ZFPM2: variants seen among roughly 807,000 people sequenced by gnomAD.
ZFPM2 encodes the protein zinc finger protein, FOG family member 2, also known as zinc finger protein ZFPM2.
ZFPM2 carries 20 observed loss-of-function variants against 98.6 expected under a neutral mutation model. The ratio of observed to expected loss-of-function variants is 0.20; its 90% confidence interval spans 0.14 to 0.29. The LOEUF is 0.29. Among genes scored for constraint, ZFPM2 ranks in the 10% least tolerant of loss-of-function variants. The pLI is 1.00. For synonymous variants in ZFPM2, 518 were observed against 502.7 expected (o/e 1.03, Z -0.41); for missense variants, 1,310 against 1,388.6 (o/e 0.94, Z 0.90).
chr8:105,559,600 T>C (rs1216513360), intron 3 of ZFPM2, among the ~76,000 whole-genome samples: 1 of 152,164 alleles, frequency 6.6e-6, no homozygotes, highest in African/African-American at 2.4e-5. Context: ...AATTTTACCA[T>C]GGACACAATT....
chr8:105,722,304 TG>T (rs1284931840), intron 5 of ZFPM2, among the ~76,000 whole-genome samples: 3 of 151,876 alleles, frequency 2.0e-5, no homozygotes, highest in Non-Finnish European at 4.4e-5. Context: ...TGTTGGACCA[TG>T]GGAGATTCTT....
intron 1 of ZFPM2, among the ~76,000 whole-genome samples, chr8:105,359,427 G>A (rs1054123304): frequency 6.7e-6 from 1 of 148,438 alleles, no homozygotes; most frequent in Admixed American, 6.8e-5. Flanking sequence ...CCTGGCTGGA[G>A]TGCAGTGACA....
intron 3 of ZFPM2, among the ~76,000 whole-genome samples, chr8:105,522,372 T>C (rs921860026): frequency 2.6e-5 from 4 of 152,236 alleles, no homozygotes; most frequent in Admixed American, 1.3e-4. Flanking sequence ...TTAAATGCTA[T>C]TTTCTACTTA....
chr8:105,410,864 G>A (rs895059344), intron 1 of ZFPM2, among the ~76,000 whole-genome samples: 2 of 151,476 alleles, frequency 1.3e-5, no homozygotes, highest in African/African-American at 2.4e-5. Flanking sequence ...AAAATCTAAC[G>A]TCCTACATTC....
intron 3 of ZFPM2, among the ~76,000 whole-genome samples, chr8:105,484,143 TATA>T (rs1208134857): frequency 2.0e-5 from 3 of 152,164 alleles, no homozygotes; most frequent in African/African-American, 4.8e-5. Flanking sequence ...GTTTGCCAAA[TATA>T]ATGATTCATT....
Position 105,783,071 on chromosome 8 carries a change from CTT to C in ZFPM2, c.533-5646_533-5645del, listed in dbSNP as rs144333605. Among the ~76,000 whole-genome samples the C allele has an allele frequency of 3.9e-3, 591 of 152,208 alleles. 10 individuals carry two copies. Among genetic ancestry groups the C allele is most frequent in the East Asian group, 0.026 (134 of 5,168 alleles). On this transcript the variant is annotated intron_variant, in intron 5 of 7. Coordinates refer to ENST00000407775, the MANE Select transcript of ZFPM2 (RefSeq NM_012082.4). ...TCCCGAGTTCATTCAAATGAAAAGA[CTT>C]AATATGGCCAAATAAAGTGAACTCC...
Position 105,796,308 on chromosome 8 carries a change from C to CTATT in ZFPM2, c.740-2414_740-2411dup, listed in dbSNP as rs538404031. 1.9e-4 allele frequency among the ~76,000 whole-genome samples: 23 copies of CTATT among 121,820 alleles called. No homozygotes were observed. The South Asian group carries it at 4.0e-3, about 21-fold the overall frequency. 79.9% of individuals were successfully genotyped at this position (121,820 alleles called of 152,430 possible). On this transcript the variant is annotated intron_variant, in intron 6 of 7. Coordinates refer to ENST00000407775, the MANE Select transcript of ZFPM2 (RefSeq NM_012082.4). ...TTCTAATTATAGTGGAGAGTGTACT[C>CTATT]TATTTGCTTTCTGTAGCAAGACAGC...
At chr8:105,332,795 A>C (rs760291876) in intron 1 of ZFPM2, among the ~76,000 whole-genome samples, 1 of 151,616 alleles carries the variant, frequency 6.6e-6, no homozygotes, top group Non-Finnish European at 1.5e-5. Context: ...ACAAGAGGGA[A>C]TTGTATCCTG....
chr8:105,555,678 A>T (rs1814972750), intron 3 of ZFPM2, among the ~76,000 whole-genome samples: 1 of 152,186 alleles, frequency 6.6e-6, no homozygotes, highest in African/African-American at 2.4e-5. Flanking sequence ...CCTACTAGGG[A>T]ATAATTTAAT....
chr8:105,337,121 G>A (rs1489666929), intron 1 of ZFPM2, among the ~76,000 whole-genome samples: 1 of 151,636 alleles, frequency 6.6e-6, no homozygotes, highest in African/African-American at 2.4e-5. Flanking sequence ...ACTTTATTAG[G>A]ACAATCCAGC....
rs542484540 is a variant in ZFPM2, at chr8:105,694,057, G to A, written c.532+59700G>A. ...GCTGGAGTGCAGTGGTGCGATCTCG[G>A]CTCACTGCAAGCTCTGCCTCTCGGG... On this transcript the variant is annotated intron_variant, in intron 5 of 7. Transcript: ENST00000407775. Among the ~76,000 whole-genome samples the A allele has an allele frequency of 3.3e-4, 48 of 147,294 alleles. 1 individual carries two copies. The highest frequency in any genetic ancestry group is 6.5e-4 in the Non-Finnish European group (44 of 67,388).
intron 3 of ZFPM2, among the ~76,000 whole-genome samples, chr8:105,555,214 C>T (rs72673743): frequency 0.03 from 4,557 of 151,782 alleles, 89 homozygotes; most frequent in Non-Finnish European, 0.049. Flanking sequence ...TTGATTAGTC[C>T]GTCCTATATG....
intron 5 of ZFPM2, among the ~76,000 whole-genome samples, chr8:105,755,815 C>G (rs1256352281): frequency 6.6e-6 from 1 of 151,956 alleles, no homozygotes; most frequent in Non-Finnish European, 1.5e-5. Flanking sequence ...AATGTTGAAG[C>G]TTTTTTCTAT....
intron 3 of ZFPM2, among the ~76,000 whole-genome samples, chr8:105,494,075 T>C (rs1813409025): frequency 6.6e-6 from 1 of 150,986 alleles, no homozygotes; most frequent in Admixed American, 6.6e-5. Context: ...GCTTGTCTTC[T>C]ACTCAGCCTG....
At chr8:105,431,440 A>G (rs1430676289) in intron 2 of ZFPM2, among the ~76,000 whole-genome samples, 10 of 152,184 alleles carry the variant, frequency 6.6e-5, no homozygotes, top group Non-Finnish European at 1.5e-4. Flanking sequence ...TATTTATTGA[A>G]CACCTGCTAT....
At chr8:105,512,882 A>G (rs1299130279) in intron 3 of ZFPM2, among the ~76,000 whole-genome samples, 4 of 151,464 alleles carry the variant, frequency 2.6e-5, no homozygotes, top group East Asian at 1.9e-4. Flanking sequence ...ATGTATGTAT[A>G]TGTGTGTGTG....
chr8:105,366,910 A>G (rs1164038098), intron 1 of ZFPM2, among the ~76,000 whole-genome samples: 1 of 147,036 alleles, frequency 6.8e-6, no homozygotes, highest in Non-Finnish European at 1.5e-5. Flanking sequence ...TATAAGGTGT[A>G]AGGAAGGGAT....
intron 5 of ZFPM2, among the ~76,000 whole-genome samples, chr8:105,753,623 CA>C (rs914296933): frequency 2.0e-5 from 3 of 151,546 alleles, no homozygotes; most frequent in South Asian, 4.2e-4. Context: ...TACATGTAAC[CA>C]AAAAAAAGTT....
chr8:105,687,282 A>C (rs1733374306), intron 5 of ZFPM2, among the ~76,000 whole-genome samples: 1 of 152,182 alleles, frequency 6.6e-6, no homozygotes, highest in African/African-American at 2.4e-5. Flanking sequence ...GTCATTATAC[A>C]TATTGGGGTC....
Sources: allele counts gnomAD v4.1 joint callset (sites outside exome capture counted in the v4.1 genomes callset), GRCh38; gene constraint gnomAD v4.1.1; transcripts MANE v1.5; gene names NCBI Gene and HGNC (gene_info 2026-07-23, HGNC 2026-07-21).